The following GRIN2B variants were observed in gnomAD, a reference collection of about 807,000 sequenced individuals.
The protein encoded by GRIN2B is glutamate ionotropic receptor NMDA type subunit 2B.
GRIN2B carries 5 observed loss-of-function variants against 114.5 expected under a neutral mutation model. The observed-to-expected ratio is 0.04, with a 90% CI of 0.02 to 0.09. The LOEUF (loss-of-function observed/expected upper bound fraction) is 0.09, where lower values mean the gene tolerates loss of function less well. Ranked by LOEUF, GRIN2B falls within the 10% of genes least tolerant of loss-of-function variation. The probability of loss-of-function intolerance (pLI) is 1.00; values close to 1 mark genes in which losing one functional copy is unlikely to be tolerated. For missense variants in GRIN2B, 1,108 were observed against 1,943.5 expected (o/e 0.57, Z 8.08); for synonymous variants, 787 against 745.1 (o/e 1.06, Z -0.92).
At chr12:13,578,968 CTATAAA>C (rs1948810888) in intron 10 of GRIN2B, among the ~76,000 whole-genome samples, 1 of 151,934 alleles carries the variant, frequency 6.6e-6, no homozygotes, top group African/African-American at 2.4e-5. Flanking sequence ...TGACCAGGGG[CTATAAA>C]TAATGTGGCG....
intron 3 of GRIN2B, among the ~76,000 whole-genome samples, chr12:13,836,988 GCTCT>G (rs761646101): frequency 8.5e-5 from 13 of 152,178 alleles, no homozygotes; most frequent in Non-Finnish European, 1.6e-4. Flanking sequence ...CTATCCCCGG[GCTCT>G]CTCTTTCTTT....
intron 4 of GRIN2B, among the ~76,000 whole-genome samples, chr12:13,725,648 C>T (rs994546168): frequency 2.0e-5 from 3 of 151,992 alleles, no homozygotes; most frequent in African/African-American, 7.3e-5. Flanking sequence ...TTGTTTATAC[C>T]AATTTATGGA....
chr12:13,799,620 A>G (rs1191694558), intron 3 of GRIN2B, among the ~76,000 whole-genome samples: 1 of 152,190 alleles, frequency 6.6e-6, no homozygotes, highest in African/African-American at 2.4e-5. Context: ...TAAACTTCCA[A>G]GAGGCACTGC....
chr12:13,693,760 T>C (rs1950234431), intron 4 of GRIN2B, among the ~76,000 whole-genome samples: 2 of 152,178 alleles, frequency 1.3e-5, no homozygotes, highest in African/African-American at 4.8e-5. Flanking sequence ...CCTTCTCCGG[T>C]GACTCCCCTA....
intron 10 of GRIN2B, among the ~76,000 whole-genome samples, chr12:13,607,399 TA>T (rs1949291193): frequency 1.8e-4 from 13 of 73,898 alleles, no homozygotes; most frequent in South Asian, 1.5e-3. Flanking sequence ...ATATTATATA[TA>T]ATATATAAAA....
At chr12:13,652,470 A>C (rs1207865826) in intron 5 of GRIN2B, among the ~76,000 whole-genome samples, 11 of 151,950 alleles carry the variant, frequency 7.2e-5, no homozygotes, top group Non-Finnish European at 1.5e-4. Context: ...GAGTTAGCCA[A>C]GTGCTAACAG....
At chr12:13,894,938 T>A (rs972271950) in intron 2 of GRIN2B, among the ~76,000 whole-genome samples, 2 of 152,296 alleles carry the variant, frequency 1.3e-5, no homozygotes, top group African/African-American at 4.8e-5. Flanking sequence ...ATACAATGAA[T>A]CATTTTGGAA....
At chr12:13,634,999 A>G (rs1190757997) in intron 5 of GRIN2B, among the ~76,000 whole-genome samples, 2 of 152,230 alleles carry the variant, frequency 1.3e-5, no homozygotes, top group Non-Finnish European at 1.5e-5. Context: ...TGCATCTTTA[A>G]CCTCTTTGTG....
In GRIN2B at chr12:13,547,981, A is replaced by ATTTTTTTTTTTTTT. The variant is rs57206826; in HGVS notation, c.*14788_*14801dup. 1.2e-3 allele frequency: 79 copies of ATTTTTTTTTTTTTT among 68,508 alleles called. No homozygotes were observed. Among genetic ancestry groups the ATTTTTTTTTTTTTT allele is most frequent in the Non-Finnish European group, 2.0e-3 (67 of 34,326 alleles). 4.2% of individuals were successfully genotyped at this position (68,508 alleles called of 1,614,324 possible). A position where few individuals can be genotyped will look rare whatever the true frequency, so the allele number is the denominator to read the frequency against. ...TGTGTATATATATATATATATATAT[A>ATTTTTTTTTTTTTT]TTTTTTTTTTTTTTCTGAAAGCTAC... On this transcript the variant is annotated 3_prime_UTR_variant, in exon 14 of 14. Coordinates refer to ENST00000609686, the MANE Select transcript of GRIN2B (RefSeq NM_000834.5).
intron 5 of GRIN2B, among the ~76,000 whole-genome samples, chr12:13,623,315 C>T (rs1949535670): frequency 6.6e-6 from 1 of 152,104 alleles, no homozygotes; most frequent in Non-Finnish European, 1.5e-5. Context: ...GGCATCAATT[C>T]CCAGAAATGA....
At position 13,551,825 on chromosome 12, in the gene GRIN2B, C is replaced by G. The variant is rs150196380; in HGVS notation, c.*10958G>C. The G allele has an allele frequency of 7.1e-4, 108 of 152,264 alleles. No individual in the cohort carries two copies. The highest frequency in any genetic ancestry group is 2.5e-3 in the African/African-American group (105 of 41,540). The allele number at this position is 152,264 out of a possible 1,614,324, so 9.4% of individuals were successfully genotyped here. On this transcript the variant is annotated 3_prime_UTR_variant, in exon 14 of 14. Coordinates refer to ENST00000609686, the MANE Select transcript of GRIN2B (RefSeq NM_000834.5). ...CCAGGTCTCTGGTTTGCAGAGGGTT[C>G]TTATGTCATGGTCAAAGGGAGCATT...
chr12:13,675,154 T>C (rs1207576434), intron 5 of GRIN2B, among the ~76,000 whole-genome samples: 2 of 152,172 alleles, frequency 1.3e-5, no homozygotes, highest in Non-Finnish European at 2.9e-5. Flanking sequence ...ATTATTTTCC[T>C]TCTCTAGATG....
rs141738891 is a variant in GRIN2B at position 13,733,135 on chromosome 12, G to A, written c.1010+20182C>T. Among the ~76,000 whole-genome samples, 802 of 152,224 alleles carry A rather than the reference G, an allele frequency of 5.3e-3. 20 individuals carry two copies. Among genetic ancestry groups the A allele is most frequent in the East Asian group, 2.3e-3 (12 of 5,170 alleles). The stretch of plus-strand genomic sequence containing the variant: ...AAAATAACTTGTGAATTTCTGGTAC[G>A]TGCAACAGGAAGGATAACCATGCCA... On this transcript the variant is annotated intron_variant, in intron 4 of 13. Coordinates refer to ENST00000609686, the MANE Select transcript of GRIN2B (RefSeq NM_000834.5).
At chr12:13,610,399 T>G (rs1161064487) in intron 9 of GRIN2B, among the ~76,000 whole-genome samples, 3 of 152,280 alleles carry the variant, frequency 2.0e-5, no homozygotes, top group Middle Eastern at 3.4e-3. Context: ...AGAGAGGCAA[T>G]GCACACTGAC....
intron 5 of GRIN2B, among the ~76,000 whole-genome samples, chr12:13,637,702 A>G (rs1399970991): frequency 2.6e-5 from 4 of 152,190 alleles, no homozygotes; most frequent in Non-Finnish European, 5.9e-5. Context: ...ACCCTGATGA[A>G]AAGATTTACT....
chr12:13,857,816 C>T (rs756007342), intron 3 of GRIN2B, among the ~76,000 whole-genome samples: 2 of 152,156 alleles, frequency 1.3e-5, no homozygotes, highest in African/African-American at 2.4e-5. Context: ...TGTTTGGGCT[C>T]ATGAAATCAA....
intron 4 of GRIN2B, among the ~76,000 whole-genome samples, chr12:13,720,731 T>C (rs1950500551): frequency 6.6e-6 from 1 of 152,026 alleles, no homozygotes; most frequent in Non-Finnish European, 1.5e-5. Flanking sequence ...AGAAAGAGCC[T>C]GAGTGGAGGT....
intron 4 of GRIN2B, among the ~76,000 whole-genome samples, chr12:13,715,271 C>A (rs1950445347): frequency 6.6e-6 from 1 of 151,914 alleles, no homozygotes; most frequent in Non-Finnish European, 1.5e-5. Flanking sequence ...ATATCATATT[C>A]ACTTCTCCTA....
chr12:13,866,253 A>T (rs1299919696), intron 2 of GRIN2B, 27 bp from the exon 3 acceptor site: 20 of 1,589,580 alleles, frequency 1.3e-5, no homozygotes, highest in Non-Finnish European at 1.7e-5. Flanking sequence ...AGAGCATGTT[A>T]AAATAGGATC....
Sources: gnomAD v4.1 joint callset for allele counts (sites outside exome capture counted in the v4.1 genomes callset) on GRCh38, gnomAD v4.1.1 for gene constraint, MANE v1.5 for transcripts, NCBI Gene and HGNC (gene_info 2026-07-23, HGNC 2026-07-21) for gene names.